The following YWHAZ variants were observed in gnomAD, a reference collection of about 807,000 sequenced individuals.
The protein encoded by YWHAZ is 14-3-3 protein zeta/delta.
For synonymous variants in YWHAZ, 87 were observed against 103.6 expected (o/e 0.84, Z 0.97); for missense variants, 79 against 284.8 (o/e 0.28, Z 5.20).
chr8:100,948,554 G>A lies in YWHAZ; in HGVS notation c.294+42C>T, dbSNP rs764243435. 1 of 1,583,966 alleles carries A rather than the reference G, an allele frequency of 6.3e-7. No individual in the cohort carries two copies. The highest frequency in any genetic ancestry group is 8.6e-7 in the Non-Finnish European group (1 of 1,163,714). On this transcript the variant is annotated intron_variant, in intron 2 of 5. Transcript: ENST00000395958. The surrounding 1 kb of genome is among the most constrained non-coding windows in gnomAD (Gnocchi z 4.2). ...AGAGTAATGTAACTGATACTCATAG[G>A]GACCCTACAGTATAATGAAGCCAGA...
In YWHAZ at chr8:100,922,379, TTTTTC is replaced by T. The variant is rs1167051313; in HGVS notation, c.678+1571_678+1575del. 3 of 111,764 alleles carry T rather than the reference TTTTTC, an allele frequency of 2.7e-5. No individual in the cohort carries two copies. Among genetic ancestry groups the T allele is most frequent in the Admixed American group, 1.2e-4 (1 of 8,472 alleles). The allele number at this position is 111,764 out of a possible 1,614,324, so 6.9% of individuals were successfully genotyped here. ...ACAGAATTAGAATCAAAACCCTGGT[TTTTTC>T]TTTTCTTTTTTTTTTTTTTTGAGAC... On this transcript the variant is annotated intron_variant, in intron 5 of 5. Coordinates refer to ENST00000395958, the MANE Select transcript of YWHAZ (RefSeq NM_145690.3). The surrounding 1 kb of genome is among the most constrained non-coding windows in gnomAD (Gnocchi z 4.1).
chr8:100,936,894 T>C (rs2130248666), intron 2 of YWHAZ, among the ~76,000 whole-genome samples: 1 of 152,114 alleles, frequency 6.6e-6, no homozygotes, highest in South Asian at 2.1e-4. Context: ...TTGAAAAAAG[T>C]TCCAAAATCA....
chr8:100,939,008 C>A (rs943723489), intron 2 of YWHAZ, among the ~76,000 whole-genome samples: 1 of 152,218 alleles, frequency 6.6e-6, no homozygotes, highest in East Asian at 1.9e-4. Context: ...AATCACTTAA[C>A]GCATTTTCCA....
chr8:100,941,309 A>T (rs1243000501), intron 2 of YWHAZ, among the ~76,000 whole-genome samples: 1 of 152,234 alleles, frequency 6.6e-6, no homozygotes, highest in South Asian at 2.1e-4. Flanking sequence ...GAGCAAAAAA[A>T]TTATAAGCTG....
chr8:100,948,930 A>T lies in YWHAZ; in HGVS notation c.-11-30T>A, dbSNP rs1810503125. 13 of 1,540,878 alleles carry T rather than the reference A, an allele frequency of 8.4e-6. No homozygotes were observed. Among genetic ancestry groups the T allele is most frequent in the South Asian group, 1.2e-5 (1 of 82,354 alleles). On this transcript the variant is annotated intron_variant, in intron 1 of 5. Transcript: ENST00000395958. The surrounding 1 kb of genome is among the most constrained non-coding windows in gnomAD (Gnocchi z 4.2). ...AGGGGGGAAAAAAGGAGTATTTAAAATTTTTCCCATCAAAATAAACAGACT... is the reference window on the plus strand; with the variant it reads ...AGGGGGGAAAAAAGGAGTATTTAAATTTTTTCCCATCAAAATAAACAGACT...
rs1188458906 is a variant in YWHAZ, at chr8:100,940,430, T to C, written c.294+8166A>G. ...GACCAGCTTTTCTATGTTCAATGAA[T>C]TTGCAGTACTTTTCCCTCTTTGACT... is the stretch of plus-strand genomic sequence containing the variant. On this transcript the variant is annotated intron_variant, in intron 2 of 5. Transcript: ENST00000395958. 2.0e-5 allele frequency among the ~76,000 whole-genome samples: 3 copies of C among 152,330 alleles called. No homozygotes were observed. The East Asian group carries it at 5.8e-4, about 29-fold the overall frequency.
intron 1 of YWHAZ, chr8:100,950,657 T>TTA: frequency 1.4e-6 from 1 of 716,676 alleles, no homozygotes; most frequent in Non-Finnish European, 1.6e-6. Context: ...GCCCAAGCCG[T>TTA]GGGGGGGGGG....
In YWHAZ at chr8:100,922,284, A is replaced by G. The variant is rs186388068; in HGVS notation, c.679-1532T>C. ...GGGATAATTTCTTTTCTTGACAGAT[A>G]AATGTTCCAATCAACCTATAATGGT... On this transcript the variant is annotated intron_variant, in intron 5 of 5. Transcript: ENST00000395958. The surrounding 1 kb of genome is among the most constrained non-coding windows in gnomAD (Gnocchi z 4.1). Among the ~76,000 whole-genome samples the G allele has an allele frequency of 1.3e-5, 2 of 152,364 alleles. No homozygotes were observed. The highest frequency in any genetic ancestry group is 6.5e-5 in the Admixed American group (1 of 15,304).
intron 2 of YWHAZ, among the ~76,000 whole-genome samples, chr8:100,926,400 T>TC (rs1813364114): frequency 6.6e-6 from 1 of 152,162 alleles, no homozygotes; most frequent in Non-Finnish European, 1.5e-5. Context: ...ATCCCAGCAC[T>TC]CTGGGAGGCT....
In YWHAZ at chr8:100,948,271, G is replaced by T; in HGVS notation, c.294+325C>A. On this transcript the variant is annotated intron_variant, in intron 2 of 5. Coordinates refer to ENST00000395958, the MANE Select transcript of YWHAZ (RefSeq NM_145690.3). This position sits in a 1 kb window ranked among gnomAD's most constrained non-coding sequence, Gnocchi z 4.2. ...CACAGATGTACATTTAAGATAACCA[G>T]CTATAGAGCTACTACAAATATTCTA... is the stretch of plus-strand genomic sequence containing the variant. 1.3e-6 allele frequency: 1 copy of T among 751,726 alleles called. No individual in the cohort carries two copies. Among genetic ancestry groups the T allele is most frequent in the Non-Finnish European group, 2.0e-6 (1 of 491,222 alleles). 46.6% of individuals were successfully genotyped at this position (751,726 alleles called of 1,614,324 possible).
intron 2 of YWHAZ, among the ~76,000 whole-genome samples, chr8:100,926,520 G>A (rs962822505): frequency 3.9e-5 from 6 of 152,176 alleles, no homozygotes; most frequent in African/African-American, 1.4e-4. Flanking sequence ...AATCCCAGCT[G>A]AGGCAGGAGA....
intron 2 of YWHAZ, among the ~76,000 whole-genome samples, chr8:100,931,315 C>T (rs998256300): frequency 7.9e-5 from 12 of 152,112 alleles, no homozygotes; most frequent in Non-Finnish European, 1.6e-4. Context: ...AACCTGATCC[C>T]ACTAATATGA....
intron 2 of YWHAZ, among the ~76,000 whole-genome samples, chr8:100,932,652 G>C (rs983478070): frequency 1.3e-5 from 2 of 151,872 alleles, no homozygotes; most frequent in African/African-American, 4.8e-5. Flanking sequence ...GATATTTGTC[G>C]AATACCTAGG....
intron 1 of YWHAZ, chr8:100,951,323 C>G (rs1810754269): frequency 2.0e-6 from 2 of 984,634 alleles, no homozygotes; most frequent in East Asian, 2.3e-4. Flanking sequence ...GCCCCCGGCC[C>G]CTCCCCGCCG....
upstream of YWHAZ, chr8:100,952,196 G>A (rs894777632): frequency 7.7e-5 from 75 of 979,662 alleles, 1 homozygote; most frequent in Non-Finnish European, 1.5e-5. Context: ...CCCGGCGCTC[G>A]TCCTGCCCGC....
intron 1 of YWHAZ, chr8:100,951,665 C>A (rs1431953591): frequency 1.0e-6 from 1 of 985,182 alleles, no homozygotes; most frequent in Non-Finnish European, 1.2e-6. Context: ...CTACCCACCC[C>A]CGGGGGCAGG....
At chr8:100,926,755 T>C (rs1243446135) in intron 2 of YWHAZ, among the ~76,000 whole-genome samples, 1 of 152,250 alleles carries the variant, frequency 6.6e-6, no homozygotes, top group African/African-American at 2.4e-5. Context: ...TTTTGTCCTT[T>C]GAATACAATG....
At chr8:100,934,429 T>C (rs1163467808) in intron 2 of YWHAZ, among the ~76,000 whole-genome samples, 1 of 150,530 alleles carries the variant, frequency 6.6e-6, no homozygotes, top group Non-Finnish European at 1.5e-5. Context: ...GGGCTGGTTG[T>C]GGTGGCTCAC....
At chr8:100,952,670 G>C (rs1810889317), upstream of YWHAZ, 2 of 546,292 alleles carry the variant, frequency 3.7e-6, no homozygotes, top group Non-Finnish European at 4.7e-6. Flanking sequence ...GGCGGCTCCG[G>C]CATTGTGATC....
Sources: gnomAD v4.1 joint callset for allele counts (sites outside exome capture counted in the v4.1 genomes callset) on GRCh38, gnomAD v4.1.1 for gene constraint, Gnocchi (gnomAD v3.1) non-coding constraint, MANE v1.5 for transcripts, NCBI Gene and HGNC (gene_info 2026-07-23, HGNC 2026-07-21) for gene names.